The following VTI1A variants were observed in gnomAD, a reference collection of about 807,000 sequenced individuals.
VTI1A encodes vesicle transport through interaction with t-SNAREs 1A.
VTI1A carries 22 observed loss-of-function variants against 34.9 expected under a neutral mutation model. The observed-to-expected ratio is 0.63, with a 90% CI of 0.45 to 0.90. The LOEUF (loss-of-function observed/expected upper bound fraction) is 0.90. Ranked by LOEUF, VTI1A falls within the 40% of genes least tolerant of loss-of-function variation. The probability of loss-of-function intolerance (pLI) is 0.00; values close to 1 mark genes in which losing one functional copy is unlikely to be tolerated. For synonymous variants in VTI1A, 87 were observed against 97.3 expected (o/e 0.89, Z 0.62); for missense variants, 268 against 275.6 (o/e 0.97, Z 0.20).
At chr10:112,542,202 A>C (rs951355719) in intron 5 of VTI1A, among the ~76,000 whole-genome samples, 1 of 152,194 alleles carries the variant, frequency 6.6e-6, no homozygotes, top group African/African-American at 2.4e-5. Flanking sequence ...ACAAAGAAAC[A>C]GGCTGAAAGA....
At chr10:112,496,185 ACCCCC>A (rs66554158) in intron 3 of VTI1A, among the ~76,000 whole-genome samples, 1,394 of 27,844 alleles carry the variant, frequency 0.05, 305 homozygotes, top group African/African-American at 0.19. Context: ...AAATGGGGAG[ACCCCC>A]CCCCCCCCCC....
chr10:112,676,702 A>G (rs1460726853), intron 7 of VTI1A, among the ~76,000 whole-genome samples: 1 of 152,132 alleles, frequency 6.6e-6, no homozygotes, highest in East Asian at 1.9e-4. Flanking sequence ...TGTTACTTCT[A>G]CCTGGAATGT....
At chr10:112,660,196 G>A (rs1028220812) in intron 5 of VTI1A, among the ~76,000 whole-genome samples, 1 of 152,140 alleles carries the variant, frequency 6.6e-6, no homozygotes, top group African/African-American at 2.4e-5. Context: ...TGCCTCCCAG[G>A]TTCAAGCGAT....
At chr10:112,705,557 G>A (rs556959331) in intron 7 of VTI1A, among the ~76,000 whole-genome samples, 4 of 151,994 alleles carry the variant, frequency 2.6e-5, no homozygotes, top group East Asian at 1.9e-4. Flanking sequence ...CACCCATCTC[G>A]TTCCCTGTGG....
Position 112,802,037 on chromosome 10 carries a change from C to T in VTI1A, c.561-13253C>T, listed in dbSNP as rs143068840. Among the ~76,000 whole-genome samples the T allele has an allele frequency of 4.5e-3, 692 of 152,120 alleles. 5 individuals are homozygous for T. In the Middle Eastern group the frequency reaches 0.061, roughly 13 times the overall value. ...CCAAGGCAGGAGGATCGCTGGAGCC[C>T]GGGAATTTGAGACCAGCCTGGGTAA... is the stretch of plus-strand genomic sequence containing the variant. On this transcript the variant is annotated intron_variant, in intron 7 of 7. Coordinates refer to ENST00000393077, the MANE Select transcript of VTI1A (RefSeq NM_145206.4).
chr10:112,625,198 G>A (rs1845877048), intron 5 of VTI1A, among the ~76,000 whole-genome samples: 2 of 152,224 alleles, frequency 1.3e-5, no homozygotes, highest in African/African-American at 4.8e-5. Flanking sequence ...GTGTGTTTAT[G>A]TGTTTGAGTG....
chr10:112,544,252 A>G (rs1850988059), intron 5 of VTI1A, among the ~76,000 whole-genome samples: 2 of 152,210 alleles, frequency 1.3e-5, no homozygotes, highest in South Asian at 4.1e-4. Context: ...GGCATTTGAG[A>G]TGGAGTCTTG....
intron 7 of VTI1A, among the ~76,000 whole-genome samples, chr10:112,717,423 GT>G (rs1453837328): frequency 6.6e-6 from 1 of 152,174 alleles, no homozygotes; most frequent in Non-Finnish European, 1.5e-5. Context: ...TTGGCTGGGT[GT>G]TCTGGCTCAG....
At chr10:112,686,812 A>G (rs986405748) in intron 7 of VTI1A, among the ~76,000 whole-genome samples, 1 of 152,176 alleles carries the variant, frequency 6.6e-6, no homozygotes, top group African/African-American at 2.4e-5. Context: ...CCTCTTGAAC[A>G]TCACTGGTTT....
chr10:112,736,919 T>C (rs1850502656), intron 7 of VTI1A: 2 of 651,448 alleles, frequency 3.1e-6, no homozygotes. Context: ...GCATGAGTAC[T>C]TGGCAAGGAT....
chr10:112,610,177 T>C (rs76101087), intron 5 of VTI1A, among the ~76,000 whole-genome samples: 1 of 8,642 alleles, frequency 1.2e-4, no homozygotes, highest in Non-Finnish European at 2.4e-4. Flanking sequence ...TTTCCAGTCT[T>C]TTTTTTTTTT....
At chr10:112,576,603 T>C (rs1036960651) in intron 5 of VTI1A, among the ~76,000 whole-genome samples, 1 of 152,204 alleles carries the variant, frequency 6.6e-6, no homozygotes, top group African/African-American at 2.4e-5. Flanking sequence ...GGTGGGATGG[T>C]GGAATGGTGA....
At chr10:112,652,133 T>G (rs1847050259) in intron 5 of VTI1A, among the ~76,000 whole-genome samples, 1 of 152,154 alleles carries the variant, frequency 6.6e-6, no homozygotes, top group South Asian at 2.1e-4. Flanking sequence ...TGTAAAGGGA[T>G]GGAAGTATGG....
chr10:112,503,251 C>T (rs1849306897), intron 3 of VTI1A, among the ~76,000 whole-genome samples: 2 of 152,088 alleles, frequency 1.3e-5, no homozygotes, highest in South Asian at 2.1e-4. Flanking sequence ...TAATTAACCC[C>T]TCTTCATCCT....
chr10:112,819,594 G>C (rs1285298905), downstream of VTI1A, among the ~76,000 whole-genome samples: 1 of 152,172 alleles, frequency 6.6e-6, no homozygotes, highest in African/African-American at 2.4e-5. Context: ...ATTACAAACA[G>C]CGCTTCCCTA....
At chr10:112,685,268 T>C (rs540228201) in intron 7 of VTI1A, among the ~76,000 whole-genome samples, 2 of 152,226 alleles carry the variant, frequency 1.3e-5, no homozygotes, top group South Asian at 4.1e-4. Flanking sequence ...GTCAGGATCA[T>C]CCATGATTCT....
Position 112,815,341 on chromosome 10 carries a change from C to A in VTI1A, c.612C>A (p.Ile204=). Residue 204 remains isoleucine (I), a synonymous_variant, in exon 8 of 8, where the codon ATC becomes ATA. Transcript: ENST00000393077. ...LLVILGIIVV[I]TILMAITFSV... is the part of the protein sequence containing the mutation. ...TCATCCTAGGGATCATCGTGGTCATCACCATCCTGATGGCGATCACTTTTT... is the reference window on the plus strand; with the variant it reads ...TCATCCTAGGGATCATCGTGGTCATAACCATCCTGATGGCGATCACTTTTT... The A allele has an allele frequency of 6.2e-7, 1 of 1,614,118 alleles. No individual in the cohort carries two copies. The highest frequency in any genetic ancestry group is 8.5e-7 in the Non-Finnish European group (1 of 1,180,022).
intron 5 of VTI1A, among the ~76,000 whole-genome samples, chr10:112,642,418 T>C (rs1846608790): frequency 6.6e-6 from 1 of 152,186 alleles, no homozygotes. Context: ...GCTGACGGGT[T>C]AGTAAGAGAA....
chr10:112,543,648 T>C (rs1850954150), intron 5 of VTI1A, among the ~76,000 whole-genome samples: 1 of 152,234 alleles, frequency 6.6e-6, no homozygotes, highest in Non-Finnish European at 1.5e-5. Context: ...ACTCTGATGA[T>C]AGTTTCTTTT....
Sources: gnomAD v4.1 joint callset for allele counts (sites outside exome capture counted in the v4.1 genomes callset) on GRCh38, gnomAD v4.1.1 for gene constraint, MANE v1.5 for transcripts, NCBI Gene and HGNC (gene_info 2026-07-23, HGNC 2026-07-21) for gene names.